Variants in APP observed in about 807,000 individuals in gnomAD.
APP encodes the protein amyloid-beta precursor protein.
Under a neutral mutation model 101.4 loss-of-function variants are expected in APP, and 31 were observed. The ratio of observed to expected loss-of-function variants is 0.31; its 90% CI spans 0.23 to 0.41. APP has a LOEUF of 0.41. APP is among the 10% of genes least tolerant of loss of function. The probability of loss-of-function intolerance (pLI) is 1.00; values close to 1 mark genes in which losing one functional copy is unlikely to be tolerated. For synonymous variants in APP, 366 were observed against 364.4 expected, an observed-to-expected ratio of 1.00 and a Z score of -0.05; for missense variants, 839 against 1,003.7, an observed-to-expected ratio of 0.84 and a Z score of 2.22.
At chr21:26,029,326 G>A (rs540944215) in intron 5 of APP, among the ~76,000 whole-genome samples, 33 of 148,966 alleles carry the variant, frequency 2.2e-4, no homozygotes, top group Non-Finnish European at 3.7e-4. Context: ...GGAGCTAGGG[G>A]TACACTGGAA....
chr21:26,115,479 G>A (rs1163399247), intron 1 of APP, among the ~76,000 whole-genome samples: 2 of 152,138 alleles, frequency 1.3e-5, no homozygotes, highest in Admixed American at 6.5e-5. Flanking sequence ...ATTAAAACAA[G>A]ACAAACAACT....
chr21:26,059,052 G>A (rs1301492482), intron 3 of APP, among the ~76,000 whole-genome samples: 1 of 151,666 alleles, frequency 6.6e-6, no homozygotes, highest in Non-Finnish European at 1.5e-5. Context: ...CTGCACTCCA[G>A]CCTGGGCGAC....
chr21:25,954,302 G>A (rs890696189), intron 13 of APP, among the ~76,000 whole-genome samples: 2 of 152,112 alleles, frequency 1.3e-5, no homozygotes, highest in African/African-American at 4.8e-5. Flanking sequence ...TAACAAGATT[G>A]GGCAAATTAG....
intron 11 of APP, among the ~76,000 whole-genome samples, chr21:25,967,308 G>GA (rs2041832985): frequency 6.6e-6 from 1 of 152,104 alleles, no homozygotes; most frequent in Non-Finnish European, 1.5e-5. Context: ...TTAAGACACT[G>GA]AAAAAATCCA....
intron 13 of APP, among the ~76,000 whole-genome samples, chr21:25,932,597 T>A (rs2040195265): frequency 6.6e-6 from 1 of 152,224 alleles, no homozygotes; most frequent in African/African-American, 2.4e-5. Context: ...TCCAGGCTTC[T>A]GAGTCTTTGT....
chr21:26,065,672 A>G (rs1332045768), intron 3 of APP, among the ~76,000 whole-genome samples: 1 of 152,170 alleles, frequency 6.6e-6, no homozygotes, highest in Non-Finnish European at 1.5e-5. Flanking sequence ...TCCAATGTTC[A>G]GGACCCCAAG....
intron 5 of APP, among the ~76,000 whole-genome samples, chr21:26,025,643 T>G (rs1286347044): frequency 2.6e-5 from 4 of 152,184 alleles, no homozygotes; most frequent in Non-Finnish European, 5.9e-5. Context: ...TGATCTGCAT[T>G]CTGGTATGTG....
At chr21:26,001,778 C>T (rs1218907294) in intron 6 of APP, among the ~76,000 whole-genome samples, 1 of 95,290 alleles carries the variant, frequency 1.0e-5, no homozygotes, top group Non-Finnish European at 2.0e-5. Context: ...GGATTACAGG[C>T]GTGAGCCACT....
chr21:25,947,710 TA>T (rs1247885202), intron 13 of APP, among the ~76,000 whole-genome samples: 1 of 152,214 alleles, frequency 6.6e-6, no homozygotes, highest in East Asian at 1.9e-4. Flanking sequence ...ATAATATGTA[TA>T]AATGTTCTTG....
intron 11 of APP, among the ~76,000 whole-genome samples, chr21:25,956,398 A>G (rs976213140): frequency 6.6e-6 from 1 of 152,130 alleles, no homozygotes; most frequent in Non-Finnish European, 1.5e-5. Flanking sequence ...AAGTGCTCCT[A>G]TTTTCTTTCT....
rs9305281 is a variant in APP at position 26,140,003 on chromosome 21, T to C, written c.58-27857A>G. On this transcript the variant is annotated intron_variant, in intron 1 of 17. Transcript: ENST00000346798. The stretch of plus-strand genomic sequence containing the variant: ...GCACTGCATGGATGGCCAAATTAAA[T>C]CATTACACCAAATAATTTGCAAACT... 3,862 of 655,174 alleles carry C rather than the reference T, an allele frequency of 5.9e-3. 126 individuals are homozygous for C. The African/African-American group carries it at 0.063, about 11-fold the overall frequency. 40.6% of individuals were successfully genotyped at this position (655,174 alleles called of 1,614,324 possible). A position where few individuals can be genotyped will look rare whatever the true frequency, so the allele number is the denominator to read the frequency against.
intron 2 of APP, among the ~76,000 whole-genome samples, chr21:26,108,433 A>T (rs1346333143): frequency 6.6e-6 from 1 of 152,212 alleles, no homozygotes; most frequent in Non-Finnish European, 1.5e-5. Flanking sequence ...GTGCCAAACA[A>T]CCACATAGGG....
At chr21:25,887,517 GAAAAAAA>G (rs199637906) in intron 17 of APP, among the ~76,000 whole-genome samples, 10 of 114,448 alleles carry the variant, frequency 8.7e-5, no homozygotes, top group East Asian at 3.2e-4. Context: ...CTGCTTATTT[GAAAAAAA>G]AAAAAAAAAA....
chr21:26,101,093 TCC>T (rs369012314), intron 2 of APP, among the ~76,000 whole-genome samples: 6 of 143,718 alleles, frequency 4.2e-5, no homozygotes, highest in East Asian at 2.1e-4. Context: ...TCTTTTTTTT[TCC>T]TTTTTTTTTT....
intron 5 of APP, among the ~76,000 whole-genome samples, chr21:26,032,898 T>C (rs759534638): frequency 5.3e-5 from 8 of 151,558 alleles, no homozygotes; most frequent in Non-Finnish European, 1.2e-4. Flanking sequence ...CCTGCAGAGA[T>C]GGGATGTAAA....
chr21:26,170,509 G>A, intron 1 of APP, 55 bp downstream of exon 1: 5 of 1,515,478 alleles, frequency 3.3e-6, no homozygotes, highest in Non-Finnish European at 3.5e-6. Flanking sequence ...GGTCTTGGGG[G>A]GTATCGCGTC....
intron 1 of APP, among the ~76,000 whole-genome samples, chr21:26,127,712 G>A (rs2146262312): frequency 6.6e-6 from 1 of 152,316 alleles, no homozygotes; most frequent in African/African-American, 2.4e-5. Context: ...GAGAAAGCCA[G>A]TTAACTTTAC....
At chr21:26,118,431 T>C in intron 1 of APP, among the ~76,000 whole-genome samples, 1 of 152,208 alleles carries the variant, frequency 6.6e-6, no homozygotes, top group East Asian at 1.9e-4. Flanking sequence ...TTCATATATA[T>C]ACATACACAC....
intron 1 of APP, among the ~76,000 whole-genome samples, chr21:26,159,087 T>A (rs1451314830): frequency 7.5e-6 from 1 of 133,148 alleles, no homozygotes; most frequent in Non-Finnish European, 1.5e-5. Flanking sequence ...AGATAGTAAA[T>A]TTTTTTTTTT....
Sources: gnomAD v4.1 joint callset for allele counts (sites outside exome capture counted in the v4.1 genomes callset) on GRCh38, gnomAD v4.1.1 for gene constraint, MANE v1.5 for transcripts, NCBI Gene and HGNC (gene_info 2026-07-23, HGNC 2026-07-21) for gene names.